The following AP3B1 variants were observed in gnomAD, a reference collection of about 807,000 sequenced individuals.
The protein encoded by AP3B1 is AP-3 complex subunit beta-1.
AP3B1 carries 61 observed loss-of-function variants against 132.5 expected under a neutral mutation model. The observed-to-expected ratio is 0.46, with a 90% CI of 0.37 to 0.57. AP3B1 has a LOEUF of 0.57. AP3B1 is among the 20% of genes least tolerant of loss of function. AP3B1 has a pLI of 0.00. For synonymous variants in AP3B1, 388 were observed against 438.3 expected (o/e 0.89, Z 1.43); for missense variants, 1,120 against 1,289.4 (o/e 0.87, Z 2.01).
chr5:78,222,512 T>C (rs1746222540), intron 6 of AP3B1: 1 of 152,176 alleles, frequency 6.6e-6, no homozygotes, highest in Non-Finnish European at 1.5e-5. Context: ...CAATGAACAC[T>C]AGTATAATTG....
At chr5:78,183,268 C>T (rs2112417449) in intron 7 of AP3B1, among the ~76,000 whole-genome samples, 1 of 152,238 alleles carries the variant, frequency 6.6e-6, no homozygotes, top group African/African-American at 2.4e-5. Flanking sequence ...AGACAGCACC[C>T]CTCTCTCTTT....
intron 22 of AP3B1, among the ~76,000 whole-genome samples, chr5:78,071,247 T>G (rs1261999253): frequency 6.6e-6 from 1 of 152,224 alleles, no homozygotes; most frequent in Non-Finnish European, 1.5e-5. Context: ...AACAAGATCA[T>G]GTCCTTCACA....
chr5:78,081,300 A>ATTTTTTT (rs560113962), intron 22 of AP3B1, among the ~76,000 whole-genome samples: 8 of 100,874 alleles, frequency 7.9e-5, no homozygotes, highest in Non-Finnish European at 1.4e-4. Context: ...GCATTACTTC[A>ATTTTTTT]TTTTTTTTTT....
At position 78,267,569 on chromosome 5, in the gene AP3B1, T is replaced by C. The variant is rs770879509; in HGVS notation, c.155A>G (p.Glu52Gly). 4 of 1,610,918 alleles carry C rather than the reference T, an allele frequency of 2.5e-6. No homozygotes were observed. The highest frequency in any genetic ancestry group is 3.4e-6 in the Non-Finnish European group (4 of 1,177,986). Residue 52 changes from glutamate to glycine, a missense_variant, in exon 2 of 27, where the codon GAG becomes GGG. By Grantham distance (98) the Glu-to-Gly change is moderately conservative. This residue lies in a region of AP3B1 where 85 missense variants were observed against 79.9 expected (regional missense o/e 1.06). Transcript: ENST00000255194. ...KKNEDLKQMLESNKDSAKLDA... is the reference protein window; with the variant it reads ...KKNEDLKQMLGSNKDSAKLDA... ...CAGTTTAGCAGAATCTTTGTTGCTC[T>C]CTAACATTTGCTTTAGATCTTCATT...
chr5:78,182,111 C>T (rs938669128), intron 7 of AP3B1, among the ~76,000 whole-genome samples: 5 of 152,060 alleles, frequency 3.3e-5, no homozygotes, highest in African/African-American at 9.7e-5. Flanking sequence ...AAGTGTGACA[C>T]GAAAAAACTA....
intron 7 of AP3B1, among the ~76,000 whole-genome samples, chr5:78,182,734 T>C (rs1001955288): frequency 1.3e-5 from 2 of 152,178 alleles, no homozygotes; most frequent in Non-Finnish European, 2.9e-5. Flanking sequence ...TAAAAAATTA[T>C]GGCCCTACCC....
chr5:78,043,285 A>G (rs1748177192), intron 22 of AP3B1: 1 of 165,856 alleles, frequency 6.0e-6, no homozygotes, highest in Admixed American at 6.4e-5. Flanking sequence ...GCGCACCACC[A>G]TGACCGCCTA....
intron 26 of AP3B1, 123 bp downstream of exon 26, chr5:78,015,287 A>G: frequency 9.8e-7 from 1 of 1,020,360 alleles, no homozygotes; most frequent in Non-Finnish European, 1.4e-6. Context: ...AAAAAAAGGG[A>G]GTGTGTGTAT....
rs1561354610 is a variant in AP3B1, at chr5:78,015,530, T to C, written c.3011A>G (p.Asn1004Ser). The part of the protein sequence containing the change: ...KKEQGVLTGM[N>S]ETSAVIIAAP... ...AGCAATGATTACAGCAGAAGTTTCA[T>C]TCATTCCTGTTAGCACTCCTGTAAA... The change falls in exon 26 of 27, where the codon AAT becomes AGT. Residue 1004 changes from asparagine to serine, a missense_variant. Asn to Ser is a conservative substitution (Grantham distance 46). Coordinates refer to ENST00000255194, the MANE Select transcript of AP3B1 (RefSeq NM_003664.5). The C allele has an allele frequency of 6.2e-7, 1 of 1,613,706 alleles. No individual in the cohort carries two copies. The highest frequency in any genetic ancestry group is 8.5e-7 in the Non-Finnish European group (1 of 1,179,760).
chr5:78,150,875 G>A (rs554537895), intron 14 of AP3B1, among the ~76,000 whole-genome samples: 42 of 151,946 alleles, frequency 2.8e-4, no homozygotes, highest in South Asian at 1.9e-3. Context: ...CTGCATTTGT[G>A]TTAGCTATCT....
At chr5:78,212,422 C>T (rs1313573968) in intron 7 of AP3B1, among the ~76,000 whole-genome samples, 2 of 152,112 alleles carry the variant, frequency 1.3e-5, no homozygotes, top group Admixed American at 6.5e-5. Flanking sequence ...GTATTACAGG[C>T]AGGTTTTTTT....
At chr5:78,139,496 TAA>T in intron 15 of AP3B1, among the ~76,000 whole-genome samples, 1 of 152,370 alleles carries the variant, frequency 6.6e-6, no homozygotes, top group South Asian at 2.1e-4. Context: ...TGATTCCTTT[TAA>T]AGATGACTTA....
At chr5:78,089,291 C>A in intron 22 of AP3B1, 102 bp downstream of exon 22, 1 of 859,984 alleles carries the variant, frequency 1.2e-6, no homozygotes, top group Non-Finnish European at 1.9e-6. Flanking sequence ...AGAGAAGAAT[C>A]TGTTCAAAAC....
intron 7 of AP3B1, among the ~76,000 whole-genome samples, chr5:78,200,283 G>A (rs1580477225): frequency 3.9e-5 from 6 of 152,096 alleles, no homozygotes; most frequent in Admixed American, 3.9e-4. Context: ...GTTCAAGGAG[G>A]CTCCAACCTT....
chr5:78,168,226 C>CTTTTTTT (rs111663014), intron 11 of AP3B1, among the ~76,000 whole-genome samples: 14 of 128,012 alleles, frequency 1.1e-4, no homozygotes, highest in Non-Finnish European at 1.3e-4. Flanking sequence ...TTTCTTTTTT[C>CTTTTTTT]TTTTTTTTTT....
At chr5:78,177,731 A>G (rs903947863) in intron 8 of AP3B1, among the ~76,000 whole-genome samples, 3 of 151,416 alleles carry the variant, frequency 2.0e-5, no homozygotes, top group African/African-American at 7.3e-5. Context: ...CTTATAAGAG[A>G]AAAAAAAAGG....
intron 19 of AP3B1, among the ~76,000 whole-genome samples, chr5:78,112,398 G>A (rs932409430): frequency 2.0e-5 from 3 of 152,114 alleles, no homozygotes; most frequent in African/African-American, 7.2e-5. Flanking sequence ...TGTATTTGTG[G>A]TTCTCTTTGT....
At position 78,229,658 on chromosome 5, in the gene AP3B1, G is replaced by A. The variant is rs1449786303; in HGVS notation, c.280-1419C>T. Among the ~76,000 whole-genome samples the A allele has an allele frequency of 3.3e-5, 5 of 152,126 alleles. No homozygotes were observed. The East Asian group carries it at 7.7e-4, about 24-fold the overall frequency. On this transcript the variant is annotated intron_variant, in intron 3 of 26. Transcript: ENST00000255194. ...GGAGGCTGAGATGGGAGAGTCACCT[G>A]AGCCTGGGAGGTCGAAGCTGCAGTG...
chr5:78,038,393 G>A (rs1747895916), intron 23 of AP3B1, among the ~76,000 whole-genome samples: 1 of 152,138 alleles, frequency 6.6e-6, no homozygotes, highest in Non-Finnish European at 1.5e-5. Context: ...GGCCACATTG[G>A]AAGAAGAATT....
Sources: gnomAD v4.1 joint callset for allele counts (sites outside exome capture counted in the v4.1 genomes callset) on GRCh38, gnomAD v4.1.1 for gene constraint, gnomAD v4.1.1 regional missense constraint, MANE v1.5 for transcripts, NCBI Gene and HGNC (gene_info 2026-07-23, HGNC 2026-07-21) for gene names.